CYFIP1: variants seen among roughly 807,000 people sequenced by gnomAD.
CYFIP1 encodes the protein cytoplasmic FMR1 interacting protein 1.
Under a neutral mutation model 163.5 loss-of-function variants are expected in CYFIP1, and 58 were observed. The ratio of observed to expected loss-of-function variants is 0.35; its 90% confidence interval spans 0.29 to 0.44. CYFIP1 has a LOEUF of 0.44. Among genes scored for constraint, CYFIP1 ranks in the 20% least tolerant of loss-of-function variants. The pLI is 1.00. For missense variants in CYFIP1, 1,338 were observed against 1,653.8 expected (o/e 0.81, Z 3.31); for synonymous variants, 663 against 660.7 (o/e 1.00, Z -0.05).
intron 18 of CYFIP1, among the ~76,000 whole-genome samples, 173 bp from the exon 19 acceptor site, chr15:22,910,986 T>A (rs1158916843): frequency 1.3e-5 from 2 of 151,482 alleles, no homozygotes; most frequent in Non-Finnish European, 2.9e-5. Flanking sequence ...CTTGGCTCAC[T>A]GCAATCTCTG....
intron 1 of CYFIP1, chr15:22,951,336 T>G (rs780708620): frequency 8.5e-7 from 1 of 1,173,518 alleles, no homozygotes; most frequent in East Asian, 7.2e-5. Context: ...ACATCACAGC[T>G]TCCTGTTCCA....
chr15:22,973,213 C>G (rs529819545), intron 1 of CYFIP1, among the ~76,000 whole-genome samples: 1 of 147,176 alleles, frequency 6.8e-6, no homozygotes, highest in Non-Finnish European at 1.5e-5. Flanking sequence ...ACTGGAGAGG[C>G]TGAGGTGGGA....
At chr15:22,906,002 G>T (rs2060566316) in intron 21 of CYFIP1, among the ~76,000 whole-genome samples, 1 of 151,696 alleles carries the variant, frequency 6.6e-6, no homozygotes, top group African/African-American at 2.4e-5. Flanking sequence ...CTCGTGATCT[G>T]CCTGCCTCAG....
At chr15:22,949,367 G>T (rs1049079991) in intron 1 of CYFIP1, among the ~76,000 whole-genome samples, 10 of 152,146 alleles carry the variant, frequency 6.6e-5, no homozygotes, top group South Asian at 2.1e-4. Flanking sequence ...AGATGGGAAC[G>T]TGTCTTCCAG....
chr15:22,920,425 T>C (rs180819185), intron 13 of CYFIP1, among the ~76,000 whole-genome samples: 158 of 152,256 alleles, frequency 1.0e-3, no homozygotes, highest in Non-Finnish European at 1.9e-3. Flanking sequence ...TCTCCCTCTA[T>C]CACTTTCTGG....
At position 22,867,844 on chromosome 15, in the gene CYFIP1, A is replaced by G. The variant is rs1209817635; in HGVS notation, c.*2184T>C. On this transcript the variant is annotated 3_prime_UTR_variant, in exon 31 of 31. Transcript: ENST00000617928. ...GCCACTACATATTTTGGTTTCTAGA[A>G]AATGTTTGTTTATGAAGAAGTCGAT... is the stretch of plus-strand genomic sequence containing the variant. 1 of 125,836 alleles carries G rather than the reference A, an allele frequency of 7.9e-6. No homozygotes were observed. The highest frequency in any genetic ancestry group is 1.8e-5 in the Non-Finnish European group (1 of 55,486). 7.8% of individuals were successfully genotyped at this position (125,836 alleles called of 1,614,324 possible). A position where few individuals can be genotyped will look rare whatever the true frequency, so the allele number is the denominator to read the frequency against.
At chr15:22,934,886 TA>T (rs1435154867) in intron 9 of CYFIP1, among the ~76,000 whole-genome samples, 2 of 151,844 alleles carry the variant, frequency 1.3e-5, no homozygotes, top group African/African-American at 4.8e-5. Flanking sequence ...AATGCATCAG[TA>T]AATCTAACAA....
chr15:22,944,367 A>C (rs1481649948), intron 5 of CYFIP1, among the ~76,000 whole-genome samples, 191 bp downstream of exon 5: 1 of 152,162 alleles, frequency 6.6e-6, no homozygotes, highest in Non-Finnish European at 1.5e-5. Flanking sequence ...GAACCACAAA[A>C]GGAGCGTTGA....
At position 22,946,998 on chromosome 15, in the gene CYFIP1, A is replaced by T; in HGVS notation, c.207+5T>A. The T allele has an allele frequency of 6.2e-7, 1 of 1,612,580 alleles. No individual in the cohort carries two copies. The highest frequency in any genetic ancestry group is 1.1e-5 in the South Asian group (1 of 91,072). On this transcript the variant is annotated splice_donor_5th_base_variant and intron_variant, in intron 3 of 30. Transcript: ENST00000617928. The stretch of plus-strand genomic sequence containing the variant: ...GAGAGAAACAAAGACACACCGCAAC[A>T]TTACCATGCTAGAGTGGACGGTGGC...
chr15:22,882,375 G>C (rs1251816180), intron 24 of CYFIP1, among the ~76,000 whole-genome samples: 1 of 152,246 alleles, frequency 6.6e-6, no homozygotes, highest in Admixed American at 6.5e-5. Context: ...AGAGTCCCCA[G>C]CGGGTCCTGG....
intron 11 of CYFIP1, among the ~76,000 whole-genome samples, 170 bp from the exon 12 acceptor site, chr15:22,928,198 G>A (rs56074216): frequency 0.27 from 40,464 of 151,938 alleles, 5,659 homozygotes; most frequent in East Asian, 0.48. Context: ...ATCCTAAAAC[G>A]GTGAAACCCC....
intron 16 of CYFIP1, chr15:22,915,116 CA>C (rs2060925967): frequency 5.0e-6 from 2 of 402,632 alleles, no homozygotes; most frequent in Non-Finnish European, 4.3e-6. Context: ...CAGTGGGATC[CA>C]GGGGGAAAGT....
At position 22,867,120 on chromosome 15, in the gene CYFIP1, C is replaced by G; in HGVS notation, c.*2908G>C. ...ATCCCTTCTCCAAAAGCCGAATGCA[C>G]TAATGACAGTTTTAAGTCTATGAAA... On this transcript the variant is annotated 3_prime_UTR_variant, in exon 31 of 31. Transcript: ENST00000617928. The G allele has an allele frequency of 2.1e-6, 1 of 483,818 alleles. No homozygotes were observed. The highest frequency in any genetic ancestry group is 3.6e-6 in the Non-Finnish European group (1 of 277,776). 30.0% of individuals were successfully genotyped at this position (483,818 alleles called of 1,614,324 possible).
intron 3 of CYFIP1, among the ~76,000 whole-genome samples, chr15:22,946,501 C>G (rs763289161): frequency 2.0e-5 from 3 of 152,008 alleles, no homozygotes; most frequent in South Asian, 2.1e-4. Context: ...ATTAGCTGGG[C>G]GTAGTGGTGG....
intron 12 of CYFIP1, 24 bp downstream of exon 12, chr15:22,927,882 G>T: frequency 1.3e-6 from 2 of 1,584,464 alleles, no homozygotes; most frequent in Non-Finnish European, 1.7e-6. Context: ...TTGGAGCGGG[G>T]CTGGGGTCGG....
rs202030180 is a variant in CYFIP1, at chr15:22,870,040, G to A, written c.3750C>T (p.Leu1250=). The change falls in exon 31 of 31, where the codon CTC becomes CTT. Residue 1250 remains leucine (L), a synonymous_variant. Coordinates refer to ENST00000617928, the MANE Select transcript of CYFIP1 (RefSeq NM_014608.6). ...RCFQPPIHQS[L]ASS is the part of the protein sequence containing the mutation. ...GCAGCGCGTGCCCTCAGCTGCTGGC[G>A]AGGGACTGGTGGATGGGCGGCTGGA... 33 of 1,603,356 alleles carry A rather than the reference G, an allele frequency of 2.1e-5. 1 individual carries two copies. Among genetic ancestry groups the A allele is most frequent in the Middle Eastern group, 1.7e-4 (1 of 6,054 alleles).
chr15:22,958,866 G>GA (rs1343736529), intron 1 of CYFIP1, among the ~76,000 whole-genome samples: 2 of 152,276 alleles, frequency 1.3e-5, no homozygotes, highest in South Asian at 2.1e-4. Context: ...AAATTTGTAT[G>GA]AAAAAAACTA....
intron 20 of CYFIP1, among the ~76,000 whole-genome samples, chr15:22,910,301 ACAGGAACCCAC>A (rs2060741752): frequency 6.6e-6 from 1 of 152,130 alleles, no homozygotes; most frequent in Non-Finnish European, 1.5e-5. Flanking sequence ...GGCTGGGACT[ACAGGAACCCAC>A]CAGCACGCCC....
At chr15:22,948,113 C>A in intron 1 of CYFIP1, 1 of 387,742 alleles carries the variant, frequency 2.6e-6, no homozygotes. Context: ...CTGGCGCAGG[C>A]ATGGAGGTGC....
Sources: gnomAD v4.1 joint callset for allele counts (sites outside exome capture counted in the v4.1 genomes callset) on GRCh38, gnomAD v4.1.1 for gene constraint, MANE v1.5 for transcripts, NCBI Gene and HGNC (gene_info 2026-07-23, HGNC 2026-07-21) for gene names.